MVB12B: variants seen among roughly 807,000 people sequenced by gnomAD.
The protein encoded by MVB12B is multivesicular body subunit 12B, also known as ESCRT-I complex subunit MVB12B.
A neutral mutation model predicts 41.6 loss-of-function variants in MVB12B; 16 were observed. The ratio of observed to expected loss-of-function variants is 0.38; its 90% CI spans 0.26 to 0.58. MVB12B has a LOEUF of 0.58. MVB12B is among the 20% of genes least tolerant of loss of function. The pLI, the probability that MVB12B is intolerant of heterozygous loss-of-function variation, is 0.62. For missense variants in MVB12B, 274 were observed against 380.2 expected (o/e 0.72, Z 2.32); for synonymous variants, 133 against 139.7 (o/e 0.95, Z 0.34).
rs1834075194 is a variant in MVB12B at position 126,506,506 on chromosome 9, G to C, written c.*3243G>C. ...ACCAGGCCACTGTGCAGTGGGCGCAGAGCATGGTCAGGAGTGGCCTGCCCG... is the reference window on the plus strand; with the variant it reads ...ACCAGGCCACTGTGCAGTGGGCGCACAGCATGGTCAGGAGTGGCCTGCCCG... On this transcript the variant is annotated 3_prime_UTR_variant, in exon 10 of 10. Coordinates refer to ENST00000361171, the MANE Select transcript of MVB12B (RefSeq NM_033446.3). The C allele has an allele frequency of 6.6e-6, 1 of 152,360 alleles. No individual in the cohort carries two copies. The highest frequency in any genetic ancestry group is 2.4e-5 in the African/African-American group (1 of 41,470). 9.4% of individuals were successfully genotyped at this position (152,360 alleles called of 1,614,324 possible). A position where few individuals can be genotyped will look rare whatever the true frequency, so the allele number is the denominator to read the frequency against.
chr9:126,487,766 CA>C (rs570639548), intron 9 of MVB12B, among the ~76,000 whole-genome samples: 213 of 108,870 alleles, frequency 2.0e-3, no homozygotes, highest in Admixed American at 2.7e-3. Flanking sequence ...GACTCCGTCT[CA>C]AAAAAAAAAA....
chr9:126,357,759 C>T (rs1829921914), intron 2 of MVB12B, among the ~76,000 whole-genome samples: 2 of 152,084 alleles, frequency 1.3e-5, no homozygotes, highest in Non-Finnish European at 2.9e-5. Flanking sequence ...GAACTATTTT[C>T]TCCCAGTCTG....
intron 7 of MVB12B, among the ~76,000 whole-genome samples, chr9:126,452,718 G>T (rs1468369800): frequency 6.6e-6 from 1 of 152,148 alleles, no homozygotes; most frequent in African/African-American, 2.4e-5. Flanking sequence ...TTGGGTGTTG[G>T]GGGTGGGGGT....
chr9:126,485,898 G>A (rs145598020), intron 9 of MVB12B, among the ~76,000 whole-genome samples: 2,873 of 152,240 alleles, frequency 0.019, 40 homozygotes, highest in Middle Eastern at 0.034. Context: ...TGGTTAAGCA[G>A]TCACACGCCA....
chr9:126,336,376 A>G (rs947461868), intron 1 of MVB12B, among the ~76,000 whole-genome samples: 2 of 152,262 alleles, frequency 1.3e-5, no homozygotes, highest in Admixed American at 6.5e-5. Context: ...GTTCAGCATC[A>G]GTTAAGCCCA....
intron 7 of MVB12B, among the ~76,000 whole-genome samples, chr9:126,464,678 C>T (rs548288775): frequency 3.3e-5 from 5 of 152,180 alleles, no homozygotes; most frequent in African/African-American, 1.2e-4. Flanking sequence ...CACACCTTCT[C>T]GATTATATTT....
chr9:126,366,330 A>T (rs890071555), intron 2 of MVB12B, among the ~76,000 whole-genome samples: 22 of 151,964 alleles, frequency 1.4e-4, no homozygotes, highest in Non-Finnish European at 2.4e-4. Flanking sequence ...GTTACTGTTG[A>T]CCAATTTCCT....
intron 2 of MVB12B, among the ~76,000 whole-genome samples, chr9:126,365,425 C>T (rs1306835851): frequency 6.6e-6 from 1 of 151,568 alleles, no homozygotes; most frequent in African/African-American, 2.4e-5. Flanking sequence ...CTTCGTCTCC[C>T]AGGTTCAAGT....
chr9:126,455,386 C>A (rs1335394264), intron 7 of MVB12B, among the ~76,000 whole-genome samples: 3 of 151,896 alleles, frequency 2.0e-5, no homozygotes, highest in African/African-American at 7.3e-5. Flanking sequence ...CGGGGTTTCA[C>A]CATGTTGGCC....
chr9:126,428,520 C>T (rs1039191901), intron 7 of MVB12B, among the ~76,000 whole-genome samples: 5 of 152,060 alleles, frequency 3.3e-5, no homozygotes, highest in Non-Finnish European at 5.9e-5. Context: ...AAAACTCACC[C>T]GGGAAATTGA....
At chr9:126,417,990 A>G (rs1411419308) in intron 6 of MVB12B, among the ~76,000 whole-genome samples, 2 of 152,214 alleles carry the variant, frequency 1.3e-5, no homozygotes, top group Non-Finnish European at 2.9e-5. Context: ...TTCAGAGATT[A>G]ACAAGACTTC....
At chr9:126,442,615 A>T (rs1207640202) in intron 7 of MVB12B, among the ~76,000 whole-genome samples, 3 of 152,138 alleles carry the variant, frequency 2.0e-5, no homozygotes, top group South Asian at 4.1e-4. Context: ...CAATTTGGTG[A>T]CCGTGGATTG....
chr9:126,503,632 C>A lies in MVB12B; in HGVS notation c.*369C>A. Reference sequence around the variant, plus strand: ...TGACGCCCACCGGCTCCCTCCGCTCCCTCCTGTCACCTACCAGGGCAGACC... The same window carrying A: ...TGACGCCCACCGGCTCCCTCCGCTCACTCCTGTCACCTACCAGGGCAGACC... On this transcript the variant is annotated 3_prime_UTR_variant, in exon 10 of 10. Transcript: ENST00000361171. 1 of 285,120 alleles carries A rather than the reference C, an allele frequency of 3.5e-6. No homozygotes were observed. Among genetic ancestry groups the A allele is most frequent in the African/African-American group, 2.4e-5 (1 of 41,754 alleles). The allele number at this position is 285,120 out of a possible 1,614,324, so 17.7% of individuals were successfully genotyped here. A position where few individuals can be genotyped will look rare whatever the true frequency, so the allele number is the denominator to read the frequency against.
intron 9 of MVB12B, among the ~76,000 whole-genome samples, chr9:126,496,231 A>ACCCACCCATCCATCCACCCACT (rs1833830993): frequency 1.8e-5 from 1 of 54,746 alleles, no homozygotes; most frequent in Non-Finnish European, 3.5e-5. Context: ...CCACCCATCC[A>ACCCACCCATCCATCCACCCACT]TACACCCACT....
intron 7 of MVB12B, among the ~76,000 whole-genome samples, chr9:126,447,658 T>C (rs983605279): frequency 7.2e-5 from 11 of 152,222 alleles, no homozygotes; most frequent in Admixed American, 7.2e-4. Flanking sequence ...TCTGTCACAG[T>C]GTTTGAGATA....
At position 126,459,774 on chromosome 9, in the gene MVB12B, C is replaced by G. The variant is rs1001360720; in HGVS notation, c.758-21595C>G. Among the ~76,000 whole-genome samples the G allele has an allele frequency of 6.6e-6, 1 of 152,122 alleles. No individual in the cohort carries two copies. The highest frequency in any genetic ancestry group is 1.5e-5 in the Non-Finnish European group (1 of 68,016). On this transcript the variant is annotated intron_variant, in intron 7 of 9. Transcript: ENST00000361171. The surrounding 1 kb of genome is among the most constrained non-coding windows in gnomAD (Gnocchi z 4.3). Reference sequence around the variant, plus strand: ...CACCTGCACCCATCCTTGCCTGCCCCGCTCACTTGGACCTGCCACTCTCCC... The same window carrying G: ...CACCTGCACCCATCCTTGCCTGCCCGGCTCACTTGGACCTGCCACTCTCCC...
intron 7 of MVB12B, among the ~76,000 whole-genome samples, chr9:126,449,796 A>G (rs755898738): frequency 2.8e-4 from 42 of 152,178 alleles, no homozygotes; most frequent in Non-Finnish European, 5.6e-4. Flanking sequence ...ATAATAATCA[A>G]TTTTTATTGA....
intron 2 of MVB12B, among the ~76,000 whole-genome samples, chr9:126,365,220 ATTTTTTT>A (rs71377933): frequency 8.2e-6 from 1 of 122,622 alleles, no homozygotes; most frequent in African/African-American, 3.2e-5. Context: ...CACCCAGCTA[ATTTTTTT>A]TTTTTTTTTT....
intron 2 of MVB12B, among the ~76,000 whole-genome samples, chr9:126,348,548 C>T (rs969074813): frequency 6.6e-6 from 1 of 152,172 alleles, no homozygotes; most frequent in African/African-American, 2.4e-5. Context: ...CCAAAGTTCC[C>T]GCTAATGACT....
Sources: allele counts gnomAD v4.1 joint callset (sites outside exome capture counted in the v4.1 genomes callset), GRCh38; gene constraint gnomAD v4.1.1; non-coding constraint Gnocchi (gnomAD v3.1); transcripts MANE v1.5; gene names NCBI Gene and HGNC (gene_info 2026-07-23, HGNC 2026-07-21).